The following PTPRN variants were observed in gnomAD, a reference collection of about 807,000 sequenced individuals.
The protein encoded by PTPRN is receptor-type tyrosine-protein phosphatase-like N.
In PTPRN, 70 loss-of-function variants were observed where a neutral mutation model predicts 108.5. That is an observed-to-expected ratio of 0.65 (90% confidence interval 0.53 to 0.79). The LOEUF is 0.79. PTPRN is among the 30% of genes least tolerant of loss of function. The pLI, the probability that PTPRN is intolerant of heterozygous loss-of-function variation, is 0.00. For synonymous variants in PTPRN, 496 were observed against 524.6 expected, an observed-to-expected ratio of 0.95 and a Z score of 0.75; for missense variants, 1,136 against 1,295.5, an observed-to-expected ratio of 0.88 and a Z score of 1.89.
Position 219,289,996 on chromosome 2 carries a change from T to G in PTPRN, c.*230A>C. On this transcript the variant is annotated 3_prime_UTR_variant, in exon 23 of 23. Transcript: ENST00000295718. ...TTGCTACCCATGTCCTTTCCTCTCC[T>G]CCTGGCTGCAGCACCCCCATGGGAT... 1.8e-6 allele frequency: 1 copy of G among 569,394 alleles called. No homozygotes were observed. Among genetic ancestry groups the G allele is most frequent in the African/African-American group, 1.9e-5 (1 of 53,190 alleles). 35.3% of individuals were successfully genotyped at this position (569,394 alleles called of 1,614,324 possible).
chr2:219,300,840 G>T, intron 8 of PTPRN, 103 bp downstream of exon 8: 1 of 1,331,126 alleles, frequency 7.5e-7, no homozygotes, highest in Non-Finnish European at 1.1e-6. Context: ...AAAATGAGGG[G>T]TGGGAGGATA....
intron 4 of PTPRN, among the ~76,000 whole-genome samples, chr2:219,303,105 G>A (rs548168627): frequency 6.6e-6 from 1 of 152,280 alleles, no homozygotes; most frequent in African/African-American, 2.4e-5. Flanking sequence ...CATGAGGCTG[G>A]GGATGGAGAA....
At chr2:219,304,418 G>GTCA (rs531895628) in intron 3 of PTPRN, among the ~76,000 whole-genome samples, 5 of 151,792 alleles carry the variant, frequency 3.3e-5, no homozygotes, top group Non-Finnish European at 5.9e-5. Context: ...CTTCATTGTC[G>GTCA]TCATCATCAT....
rs1178111449 is a variant in PTPRN at position 219,296,733 on chromosome 2, A to T, written c.2310+16T>A. On this transcript the variant is annotated intron_variant, in intron 16 of 22. Transcript: ENST00000295718. The surrounding 1 kb of genome is among the most constrained non-coding windows in gnomAD (Gnocchi z 6.0). ...ATGATGGGGCAGAGGTGGGGGCTGG[A>T]GTCAGGGCCACTCACAATGGGGCTG... The T allele has an allele frequency of 6.2e-7, 1 of 1,613,254 alleles. No individual in the cohort carries two copies. The highest frequency in any genetic ancestry group is 8.5e-7 in the Non-Finnish European group (1 of 1,179,600).
At chr2:219,309,176 T>TC in intron 1 of PTPRN, 42 bp downstream of exon 1, 25 of 1,364,316 alleles carry the variant, frequency 1.8e-5, no homozygotes, top group Admixed American at 4.2e-5. Flanking sequence ...CCCAAGCTGC[T>TC]CCCCGCCCCC....
At chr2:219,293,353 G>C (rs1302834901) in intron 19 of PTPRN, among the ~76,000 whole-genome samples, 1 of 152,038 alleles carries the variant, frequency 6.6e-6, no homozygotes, top group Admixed American at 6.6e-5. Flanking sequence ...GCTAATTTTT[G>C]TATTTTTGGC....
At chr2:219,305,295 T>C (rs1426647330) in intron 3 of PTPRN, among the ~76,000 whole-genome samples, 1 of 151,048 alleles carries the variant, frequency 6.6e-6, no homozygotes, top group Non-Finnish European at 1.5e-5. Context: ...CAGGCTGGAG[T>C]GCAGTGGTGC....
In PTPRN at chr2:219,309,350, G is replaced by T; in HGVS notation, c.-18C>A. ...CGCCGCATCTTTCCGAGCTCCGGGC[G>T]CTCGCTCCCGGGCCGGAGCCGCAGC... On this transcript the variant is annotated 5_prime_UTR_variant, in exon 1 of 23. Coordinates refer to ENST00000295718, the MANE Select transcript of PTPRN (RefSeq NM_002846.4). 16 of 1,334,930 alleles carry T rather than the reference G, an allele frequency of 1.2e-5. No homozygotes were observed. Among genetic ancestry groups the T allele is most frequent in the Non-Finnish European group, 1.6e-5 (16 of 1,007,300 alleles). 82.7% of individuals were successfully genotyped at this position (1,334,930 alleles called of 1,614,324 possible).
intron 4 of PTPRN, 82 bp downstream of exon 4, chr2:219,303,653 C>T: frequency 1.5e-6 from 2 of 1,367,396 alleles, no homozygotes; most frequent in South Asian, 1.2e-5. Context: ...TGCCCACTTC[C>T]TTCCCCTTCT....
chr2:219,302,641 G>C lies in PTPRN; in HGVS notation c.574C>G (p.Pro192Ala). 1 of 1,613,890 alleles carries C rather than the reference G, an allele frequency of 6.2e-7. No individual in the cohort carries two copies. The highest frequency in any genetic ancestry group is 8.5e-7 in the Non-Finnish European group (1 of 1,179,968). The change falls in exon 5 of 23, where the codon CCA becomes GCA. Residue 192 changes from proline to alanine, a missense_variant. Transcript: ENST00000295718. ...CTCAGTGAAGGGTGGGGAGGCTGTGGGGGCAGCAGCAGGTGCTCCAAGAGA... is the reference window on the plus strand; with the variant it reads ...CTCAGTGAAGGGTGGGGAGGCTGTGCGGGCAGCAGCAGGTGCTCCAAGAGA... ...PPLLEHLLLP[P>A]QPPHPSLSYE...
At chr2:219,308,977 C>G in intron 1 of PTPRN, 1 of 1,506,722 alleles carries the variant, frequency 6.6e-7, no homozygotes. Context: ...TTCTCCCGAA[C>G]CTGCAATTTT....
In PTPRN at chr2:219,297,189, C is replaced by T; in HGVS notation, c.2088+44G>A. On this transcript the variant is annotated intron_variant, in intron 14 of 22. Coordinates refer to ENST00000295718, the MANE Select transcript of PTPRN (RefSeq NM_002846.4). This position sits in a 1 kb window ranked among gnomAD's most constrained non-coding sequence, Gnocchi z 6.0. ...ACACAGCCAGCCTGGCCTCTCTCACCATCCCATTCCTTCACCCACTCTGGG... is the reference window on the plus strand; with the variant it reads ...ACACAGCCAGCCTGGCCTCTCTCACTATCCCATTCCTTCACCCACTCTGGG... 6.2e-7 allele frequency: 1 copy of T among 1,610,564 alleles called. No individual in the cohort carries two copies. Among genetic ancestry groups the T allele is most frequent in the South Asian group, 1.1e-5 (1 of 90,746 alleles).
intron 3 of PTPRN, among the ~76,000 whole-genome samples, chr2:219,306,521 T>C (rs1952487681): frequency 6.6e-6 from 1 of 152,234 alleles, no homozygotes; most frequent in South Asian, 2.1e-4. Context: ...GTGATGCTTG[T>C]CAAGTGTAAG....
Position 219,290,624 on chromosome 2 carries a change from G to A in PTPRN, c.2795-13C>T, listed in dbSNP as rs1470354768. On this transcript the variant is annotated splice_polypyrimidine_tract_variant and intron_variant, in intron 21 of 22. Transcript: ENST00000295718. This position sits in a 1 kb window ranked among gnomAD's most constrained non-coding sequence, Gnocchi z 4.2. The stretch of plus-strand genomic sequence containing the variant: ...ATCTCCTTCACTCCTGGAGATGGAG[G>A]TGGGGATGGGGCTGCTCAGGGGGTG... 4 of 1,550,718 alleles carry A rather than the reference G, an allele frequency of 2.6e-6. No homozygotes were observed. The highest frequency in any genetic ancestry group is 3.5e-6 in the Non-Finnish European group (4 of 1,146,022).
chr2:219,294,192 A>T, intron 19 of PTPRN: 1 of 491,666 alleles, frequency 2.0e-6, no homozygotes, highest in Non-Finnish European at 4.2e-6. Flanking sequence ...TGACACTGGC[A>T]GCTGTGAGGG....
chr2:219,293,512 G>C (rs959892041), intron 19 of PTPRN, among the ~76,000 whole-genome samples: 1 of 152,136 alleles, frequency 6.6e-6, no homozygotes, highest in African/African-American at 2.4e-5. Flanking sequence ...CAGTTTATTT[G>C]TTCTGGATGT....
chr2:219,302,503 C>T lies in PTPRN; in HGVS notation c.640-12G>A. 1.9e-6 allele frequency: 3 copies of T among 1,613,846 alleles called. No homozygotes were observed. Among genetic ancestry groups the T allele is most frequent in the Non-Finnish European group, 2.5e-6 (3 of 1,179,902 alleles). ...TCACGGGAGCCAAACTGTGGAAAAC[C>T]AGAGATCTGGGTAAGAGCAGAAGTC... is the stretch of plus-strand genomic sequence containing the variant. On this transcript the variant is annotated splice_polypyrimidine_tract_variant and intron_variant, in intron 5 of 22. Coordinates refer to ENST00000295718, the MANE Select transcript of PTPRN (RefSeq NM_002846.4).
chr2:219,296,519 G>A lies in PTPRN; in HGVS notation c.2311-3C>T. On this transcript the variant is annotated splice_polypyrimidine_tract_variant and splice_region_variant and intron_variant, in intron 16 of 22. Coordinates refer to ENST00000295718, the MANE Select transcript of PTPRN (RefSeq NM_002846.4). This position sits in a 1 kb window ranked among gnomAD's most constrained non-coding sequence, Gnocchi z 6.0. ...GGCATCCGAGGGTCATGCTCAATCT[G>A]GAGGCAGGGAAGATACACCATGAGC... is the stretch of plus-strand genomic sequence containing the variant. 1 of 1,613,958 alleles carries A rather than the reference G, an allele frequency of 6.2e-7. No homozygotes were observed. The highest frequency in any genetic ancestry group is 8.5e-7 in the Non-Finnish European group (1 of 1,180,000).
Position 219,296,777 on chromosome 2 carries a change from C to G in PTPRN, c.2282G>C (p.Arg761Pro). 1 of 1,613,932 alleles carries G rather than the reference C, an allele frequency of 6.2e-7. No homozygotes were observed. The highest frequency in any genetic ancestry group is 8.5e-7 in the Non-Finnish European group (1 of 1,179,950). Residue 761 changes from arginine (R) to proline (P), a missense_variant, in exon 16 of 23, where the codon CGG becomes CCG. Coordinates refer to ENST00000295718, the MANE Select transcript of PTPRN (RefSeq NM_002846.4). This position sits in a 1 kb window ranked among gnomAD's most constrained non-coding sequence, Gnocchi z 6.0. ...GGGGCTGGCGTTGATGTAATCGCTCCGAGAAGGGCTGCTCTCCACCTTCAG... is the reference window on the plus strand; with the variant it reads ...GGGGCTGGCGTTGATGTAATCGCTCGGAGAAGGGCTGCTCTCCACCTTCAG... ...IKLKVESSPS[R>P]SDYINASPII...
Sources: gnomAD v4.1 joint callset for allele counts (sites outside exome capture counted in the v4.1 genomes callset) on GRCh38, gnomAD v4.1.1 for gene constraint, Gnocchi (gnomAD v3.1) non-coding constraint, MANE v1.5 for transcripts, NCBI Gene and HGNC (gene_info 2026-07-23, HGNC 2026-07-21) for gene names.